WWOX: variants seen among roughly 807,000 people sequenced by gnomAD.
The protein encoded by WWOX is WW domain-containing oxidoreductase.
Under a neutral mutation model 46.2 loss-of-function variants are expected in WWOX, and 69 were observed. That is an observed-to-expected ratio of 1.49 (90% CI 1.23 to 1.82). The LOEUF is 1.82. Ranked by LOEUF, WWOX falls within the 40% of genes most tolerant of loss-of-function variation. The pLI is 0.00. For synonymous variants in WWOX, 359 were observed against 202.6 expected (o/e 1.77, Z -6.56); for missense variants, 919 against 542.6 (o/e 1.69, Z -6.89).
At chr16:78,254,628 C>T (rs534881502) in intron 5 of WWOX, among the ~76,000 whole-genome samples, 1 of 151,388 alleles carries the variant, frequency 6.6e-6, no homozygotes, top group Non-Finnish European at 1.5e-5. Flanking sequence ...ACCTCAGCCT[C>T]CCAAGTAGCT....
Position 78,671,307 on chromosome 16 carries a change from C to A in WWOX, c.1056+238555C>A, listed in dbSNP as rs1317092354. On this transcript the variant is annotated intron_variant, in intron 8 of 8. Transcript: ENST00000566780. The stretch of plus-strand genomic sequence containing the variant: ...GGGTGTGGTGGGGCATGCCTGTAGT[C>A]CCAGCTACTTGGGAGGCTGGGATGG... Among the ~76,000 whole-genome samples, 5 of 152,238 alleles carry A rather than the reference C, an allele frequency of 3.3e-5. No individual in the cohort carries two copies. The East Asian group carries it at 9.6e-4, about 29-fold the overall frequency.
At chr16:78,766,730 C>T (rs1224590382) in intron 8 of WWOX, among the ~76,000 whole-genome samples, 1 of 152,218 alleles carries the variant, frequency 6.6e-6, no homozygotes, top group African/African-American at 2.4e-5. Flanking sequence ...AAGGGCAGAT[C>T]AAGCTCTTCC....
At position 78,857,588 on chromosome 16, in the gene WWOX, T is replaced by A. The variant is rs147594029; in HGVS notation, c.1057-354020T>A. The stretch of plus-strand genomic sequence containing the variant: ...CTGTCGGTCAAGAGTCTAGTGACCT[T>A]AAACCAAATGTTATTTTCCTTTTGT... On this transcript the variant is annotated intron_variant, in intron 8 of 8. Coordinates refer to ENST00000566780, the MANE Select transcript of WWOX (RefSeq NM_016373.4). Among the ~76,000 whole-genome samples, 166 of 152,326 alleles carry A rather than the reference T, an allele frequency of 1.1e-3. 1 individual carries two copies. Among genetic ancestry groups the A allele is most frequent in the African/African-American group, 3.5e-3 (147 of 41,586 alleles).
rs1211016305 is a variant in WWOX at position 78,517,866 on chromosome 16, T to A, written c.1056+85114T>A. Reference sequence around the variant, plus strand: ...ATGTTACACAACCTATTTTTTTTTTTTTTTTTTTTTTTTACTCTGAATGTG... The same window carrying A: ...ATGTTACACAACCTATTTTTTTTTTATTTTTTTTTTTTTACTCTGAATGTG... On this transcript the variant is annotated intron_variant, in intron 8 of 8. Coordinates refer to ENST00000566780, the MANE Select transcript of WWOX (RefSeq NM_016373.4). Among the ~76,000 whole-genome samples, 2 of 149,928 alleles carry A rather than the reference T, an allele frequency of 1.3e-5. 1 individual carries two copies. The highest frequency in any genetic ancestry group is 4.3e-4 in the South Asian group (2 of 4,660).
chr16:79,026,070 G>C (rs1167330171), intron 8 of WWOX, among the ~76,000 whole-genome samples: 2 of 151,384 alleles, frequency 1.3e-5, no homozygotes, highest in Non-Finnish European at 2.9e-5. Flanking sequence ...CAAAATGCTG[G>C]GATTACAGGC....
At chr16:78,927,507 C>T (rs926388867) in intron 8 of WWOX, among the ~76,000 whole-genome samples, 1 of 152,184 alleles carries the variant, frequency 6.6e-6, no homozygotes, top group Admixed American at 6.5e-5. Context: ...CAGAGCCAGA[C>T]TGCAGGTAGG....
chr16:78,989,931 C>G (rs1334257985), intron 8 of WWOX, among the ~76,000 whole-genome samples: 1 of 151,102 alleles, frequency 6.6e-6, no homozygotes, highest in Non-Finnish European at 1.5e-5. Context: ...GTCTGTAATT[C>G]TAGCACTTTG....
At chr16:78,581,133 C>T (rs9928840) in intron 8 of WWOX, among the ~76,000 whole-genome samples, 35,923 of 151,680 alleles carry the variant, frequency 0.24, 4,730 homozygotes, top group African/African-American at 0.34. Flanking sequence ...ATCCTTAATG[C>T]GCAGGACATG....
chr16:78,236,722 G>C (rs1030167396), intron 5 of WWOX, among the ~76,000 whole-genome samples: 1 of 152,154 alleles, frequency 6.6e-6, no homozygotes. Flanking sequence ...GAAATCCACA[G>C]TGGACACCAG....
intron 5 of WWOX, among the ~76,000 whole-genome samples, chr16:78,318,874 A>G (rs1253518247): frequency 6.6e-6 from 1 of 152,194 alleles, no homozygotes; most frequent in Non-Finnish European, 1.5e-5. Flanking sequence ...CCTGGGTACA[A>G]TGTGAGTGTA....
intron 8 of WWOX, among the ~76,000 whole-genome samples, chr16:78,745,379 C>T (rs1235729913): frequency 6.6e-6 from 1 of 152,114 alleles, no homozygotes; most frequent in African/African-American, 2.4e-5. Flanking sequence ...AAAACATGAG[C>T]ATATTTTTCA....
intron 8 of WWOX, among the ~76,000 whole-genome samples, chr16:78,918,228 A>G (rs1162284854): frequency 1.3e-5 from 2 of 152,164 alleles, no homozygotes; most frequent in Non-Finnish European, 2.9e-5. Context: ...TAAAAGAAAG[A>G]AAGAAAGCCC....
intron 8 of WWOX, among the ~76,000 whole-genome samples, chr16:78,893,126 A>G (rs1474217681): frequency 1.3e-5 from 2 of 152,100 alleles, no homozygotes; most frequent in Non-Finnish European, 2.9e-5. Flanking sequence ...CCCACACAGA[A>G]AAGGAGGCTC....
chr16:79,172,455 C>G (rs2050718182), intron 8 of WWOX, among the ~76,000 whole-genome samples: 1 of 152,158 alleles, frequency 6.6e-6, no homozygotes, highest in Non-Finnish European at 1.5e-5. Context: ...AACCACTTAT[C>G]TTGGTACCTG....
intron 4 of WWOX, among the ~76,000 whole-genome samples, chr16:78,152,336 G>T (rs2034445138): frequency 6.6e-6 from 1 of 152,066 alleles, no homozygotes; most frequent in Non-Finnish European, 1.5e-5. Flanking sequence ...CATTTTGGTT[G>T]ATTGCAGTCT....
At position 78,859,597 on chromosome 16, in the gene WWOX, C is replaced by T. The variant is rs116175109; in HGVS notation, c.1057-352011C>T. ...TATGGATTTGGTTTTAGGGAAAATA[C>T]CTTCATGTTCAGCATTTTATGTGTC... On this transcript the variant is annotated intron_variant, in intron 8 of 8. Transcript: ENST00000566780. Among the ~76,000 whole-genome samples the T allele has an allele frequency of 3.2e-3, 493 of 152,226 alleles. 3 individuals carry two copies. Among genetic ancestry groups the T allele is most frequent in the African/African-American group, 0.011 (467 of 41,536 alleles).
intron 8 of WWOX, among the ~76,000 whole-genome samples, chr16:78,442,952 C>A (rs546027663): frequency 6.6e-6 from 1 of 151,850 alleles, no homozygotes; most frequent in Non-Finnish European, 1.5e-5. Context: ...GAAACCCTGT[C>A]TCTACCAAAA....
chr16:78,868,946 C>T (rs935517356), intron 8 of WWOX, among the ~76,000 whole-genome samples: 6 of 152,082 alleles, frequency 3.9e-5, no homozygotes, highest in Non-Finnish European at 8.8e-5. Flanking sequence ...TGCAAACGTC[C>T]ATACACACCC....
intron 8 of WWOX, among the ~76,000 whole-genome samples, chr16:78,582,509 T>A (rs1436218648): frequency 6.6e-6 from 1 of 152,212 alleles, no homozygotes; most frequent in Non-Finnish European, 1.5e-5. Context: ...GATGACAGTT[T>A]AAAAATTCGG....
Sources: gnomAD v4.1 joint callset for allele counts (sites outside exome capture counted in the v4.1 genomes callset) on GRCh38, gnomAD v4.1.1 for gene constraint, MANE v1.5 for transcripts, NCBI Gene and HGNC (gene_info 2026-07-23, HGNC 2026-07-21) for gene names.